GLT1D1: variants seen among roughly 807,000 people sequenced by gnomAD.
GLT1D1 encodes the protein glycosyltransferase 1 domain containing 1, also known as glycosyltransferase 1 domain-containing protein 1.
GLT1D1 carries 21 observed loss-of-function variants against 28.7 expected under a neutral mutation model. The observed-to-expected ratio is 0.73, with a 90% CI of 0.52 to 1.05. The LOEUF (loss-of-function observed/expected upper bound fraction) is 1.05, where lower values mean the gene tolerates loss of function less well. Ranked by LOEUF, GLT1D1 falls within the 50% of genes least tolerant of loss-of-function variation. GLT1D1 has a pLI of 0.00. For synonymous variants in GLT1D1, 147 were observed against 124.8 expected (o/e 1.18, Z -1.19); for missense variants, 343 against 330.6 (o/e 1.04, Z -0.29).
intron 6 of GLT1D1, among the ~76,000 whole-genome samples, chr12:128,948,500 G>A (rs1593176309): frequency 6.6e-6 from 1 of 152,122 alleles, no homozygotes; most frequent in Admixed American, 6.6e-5. Context: ...CAGACATGGC[G>A]TAAACAAGCA....
At chr12:128,916,466 C>G (rs1220190459) in intron 4 of GLT1D1, among the ~76,000 whole-genome samples, 1 of 152,202 alleles carries the variant, frequency 6.6e-6, no homozygotes, top group Non-Finnish European at 1.5e-5. Flanking sequence ...TCTTACACTT[C>G]CACAGAAGCT....
At chr12:128,941,905 C>CTTTTTTTTTTTTTTTTTT (rs60663875) in intron 4 of GLT1D1, among the ~76,000 whole-genome samples, 17 of 75,354 alleles carry the variant, frequency 2.3e-4, no homozygotes, top group Non-Finnish European at 3.1e-4. Context: ...CTCTCTCTCT[C>CTTTTTTTTTTTTTTTTTT]TTTTTTTTTT....
chr12:128,933,812 G>A (rs1250447645), intron 4 of GLT1D1, among the ~76,000 whole-genome samples: 1 of 152,152 alleles, frequency 6.6e-6, no homozygotes, highest in Non-Finnish European at 1.5e-5. Context: ...TTACACTTCT[G>A]AATACAGAAC....
chr12:128,962,120 G>A (rs928400443), intron 7 of GLT1D1, among the ~76,000 whole-genome samples: 26 of 151,132 alleles, frequency 1.7e-4, no homozygotes, highest in African/African-American at 2.4e-5. Flanking sequence ...TGGCAGCCCC[G>A]TGTGTGTGCC....
chr12:128,871,424 A>G (rs1248055059), intron 1 of GLT1D1, among the ~76,000 whole-genome samples: 1 of 152,208 alleles, frequency 6.6e-6, no homozygotes, highest in East Asian at 1.9e-4. Flanking sequence ...TAACAGTGAA[A>G]ATGGTAGGCT....
At chr12:128,881,242 A>G (rs1190506) in intron 2 of GLT1D1, among the ~76,000 whole-genome samples, 1,768 of 120,620 alleles carry the variant, frequency 0.015, 50 homozygotes, top group African/African-American at 0.059. Flanking sequence ...AAAAAAAAAA[A>G]AACTATAGTC....
intron 4 of GLT1D1, among the ~76,000 whole-genome samples, chr12:128,934,626 C>T (rs1172597725): frequency 6.6e-6 from 1 of 152,202 alleles, no homozygotes; most frequent in Admixed American, 6.5e-5. Flanking sequence ...CCTGAGCCTC[C>T]ACCCCAGGCA....
At chr12:128,944,999 A>G (rs1875845550) in intron 4 of GLT1D1, 4 of 593,466 alleles carry the variant, frequency 6.7e-6, no homozygotes, top group African/African-American at 1.9e-5. Context: ...CCCTGTGTCC[A>G]TGTGTTCTCA....
intron 4 of GLT1D1, among the ~76,000 whole-genome samples, chr12:128,916,635 C>T (rs139354458): frequency 6.6e-6 from 1 of 152,206 alleles, no homozygotes; most frequent in Admixed American, 6.5e-5. Context: ...TTTTTATGTG[C>T]GCGTTGGCCA....
intron 3 of GLT1D1, among the ~76,000 whole-genome samples, chr12:128,892,904 A>C (rs901145881): frequency 1.3e-5 from 2 of 152,154 alleles, no homozygotes; most frequent in African/African-American, 2.4e-5. Flanking sequence ...GAGTATGTGA[A>C]ACCTATGGAA....
intron 4 of GLT1D1, among the ~76,000 whole-genome samples, chr12:128,932,016 G>A (rs1288809280): frequency 6.6e-6 from 1 of 152,124 alleles, no homozygotes; most frequent in Non-Finnish European, 1.5e-5. Context: ...GGAGGTCATC[G>A]CGAAATGGGT....
chr12:128,959,367 C>G (rs563214016), intron 7 of GLT1D1, among the ~76,000 whole-genome samples: 1 of 144,072 alleles, frequency 6.9e-6, no homozygotes, highest in South Asian at 2.3e-4. Context: ...GAGTCGTAAA[C>G]AAATTCCAGC....
intron 4 of GLT1D1, among the ~76,000 whole-genome samples, chr12:128,927,924 C>T (rs1015285698): frequency 1.5e-5 from 2 of 132,972 alleles, no homozygotes; most frequent in South Asian, 2.5e-4. Flanking sequence ...CGCTTGAACC[C>T]GAGAGGTGGA....
chr12:128,972,746 G>T (rs1304020298), intron 7 of GLT1D1, among the ~76,000 whole-genome samples: 2 of 152,172 alleles, frequency 1.3e-5, no homozygotes, highest in South Asian at 4.1e-4. Context: ...CTGGTAAAAG[G>T]TGCAGCTGAG....
chr12:128,944,391 G>A, intron 4 of GLT1D1: 1 of 1,111,078 alleles, frequency 9.0e-7, no homozygotes, highest in South Asian at 1.2e-5. Context: ...CTTTTTTTCT[G>A]GTAATAGTCC....
chr12:128,904,623 C>CT (rs59189244), intron 4 of GLT1D1, among the ~76,000 whole-genome samples: 3,238 of 138,706 alleles, frequency 0.023, 189 homozygotes, highest in Non-Finnish European at 0.033. Flanking sequence ...TGAAAACAGT[C>CT]TTTTTTTTTT....
chr12:128,908,677 C>T (rs558026318), intron 4 of GLT1D1, among the ~76,000 whole-genome samples: 6 of 151,970 alleles, frequency 3.9e-5, no homozygotes, highest in African/African-American at 1.2e-4. Context: ...AGGCCGGGCG[C>T]GGTGGCTCAC....
At chr12:128,863,656 G>A (rs1956435978) in intron 1 of GLT1D1, among the ~76,000 whole-genome samples, 1 of 152,192 alleles carries the variant, frequency 6.6e-6, no homozygotes, top group Non-Finnish European at 1.5e-5. Context: ...GGGATTACAG[G>A]CGTGAGCCAC....
At chr12:128,884,982 T>C (rs1957144110) in intron 2 of GLT1D1, among the ~76,000 whole-genome samples, 1 of 150,732 alleles carries the variant, frequency 6.6e-6, no homozygotes, top group Non-Finnish European at 1.5e-5. Context: ...CTCAAACTCC[T>C]GGGGTGGAGC....
Sources: gnomAD v4.1 joint callset for allele counts (sites outside exome capture counted in the v4.1 genomes callset) on GRCh38, gnomAD v4.1.1 for gene constraint, MANE v1.5 for transcripts, NCBI Gene and HGNC (gene_info 2026-07-23, HGNC 2026-07-21) for gene names.